The following ANO4 variants were observed in gnomAD, a reference collection of about 807,000 sequenced individuals.
ANO4 encodes the protein anoctamin-4.
A neutral mutation model predicts 141.9 loss-of-function variants in ANO4; 69 were observed. The ratio of observed to expected loss-of-function variants is 0.49; its 90% CI spans 0.40 to 0.59. The LOEUF is 0.59. ANO4 is among the 20% of genes least tolerant of loss of function. ANO4 has a pLI of 0.00. For missense variants in ANO4, 894 were observed against 1,162.2 expected (o/e 0.77, Z 3.36); for synonymous variants, 350 against 394.3 (o/e 0.89, Z 1.33).
chr12:100,775,718 A>T (rs945978247), intron 3 of ANO4, among the ~76,000 whole-genome samples: 3 of 152,228 alleles, frequency 2.0e-5, no homozygotes, highest in African/African-American at 7.2e-5. Context: ...CACAGCATTC[A>T]TGTGCTTATT....
At chr12:101,051,599 G>C (rs930698613) in intron 14 of ANO4, among the ~76,000 whole-genome samples, 1 of 152,164 alleles carries the variant, frequency 6.6e-6, no homozygotes, top group Non-Finnish European at 1.5e-5. Context: ...ATTCATTTCC[G>C]AGGGATTACT....
chr12:100,847,487 T>TTTTTTG, intron 1 of ANO4, among the ~76,000 whole-genome samples: 1 of 141,070 alleles, frequency 7.1e-6, no homozygotes, highest in Non-Finnish European at 1.6e-5. Flanking sequence ...TTTTTTTTTT[T>TTTTTTG]TTGAGGTGGA....
intron 1 of ANO4, among the ~76,000 whole-genome samples, chr12:100,812,352 T>A (rs1046388373): frequency 6.6e-6 from 1 of 152,180 alleles, no homozygotes; most frequent in African/African-American, 2.4e-5. Flanking sequence ...TTCAGCATAT[T>A]CATAACTCCA....
chr12:100,871,954 G>A (rs1181146442), intron 1 of ANO4, among the ~76,000 whole-genome samples: 2 of 152,134 alleles, frequency 1.3e-5, no homozygotes, highest in African/African-American at 2.4e-5. Flanking sequence ...GGGCTGCTTG[G>A]TGTATCATGG....
intron 1 of ANO4, among the ~76,000 whole-genome samples, chr12:100,851,433 A>G (rs552071552): frequency 1.1e-4 from 16 of 152,222 alleles, no homozygotes; most frequent in Admixed American, 3.3e-4. Context: ...TATATAAACT[A>G]TATTTCAATG....
chr12:100,745,926 G>A (rs2032081454), intron 3 of ANO4, among the ~76,000 whole-genome samples: 1 of 152,154 alleles, frequency 6.6e-6, no homozygotes, highest in Admixed American at 6.5e-5. Context: ...CACATTACCT[G>A]CAAGTGAGAA....
chr12:100,835,187 C>G (rs892459093), intron 1 of ANO4, among the ~76,000 whole-genome samples: 1 of 152,176 alleles, frequency 6.6e-6, no homozygotes, highest in Non-Finnish European at 1.5e-5. Flanking sequence ...CTGGTTAGAT[C>G]TCTGCTTGTC....
At position 101,116,672 on chromosome 12, in the gene ANO4, C is replaced by T. The variant is rs2050865903; in HGVS notation, c.2451-7C>T. ...GTTCTAATGGTAGAATGTGCCTCCT[C>T]TTATAGGTGCATGGTTGGCTATGTG... On this transcript the variant is annotated splice_region_variant and splice_polypyrimidine_tract_variant and intron_variant, in intron 24 of 27. Coordinates refer to ENST00000392977, the MANE Select transcript of ANO4 (RefSeq NM_001286615.2). 1 of 1,614,108 alleles carries T rather than the reference C, an allele frequency of 6.2e-7. No individual in the cohort carries two copies.
At chr12:100,997,370 G>A (rs1403423221) in intron 8 of ANO4, among the ~76,000 whole-genome samples, 1 of 149,054 alleles carries the variant, frequency 6.7e-6, no homozygotes, top group East Asian at 2.0e-4. Context: ...TCTCCACAGT[G>A]CTGCCACCTC....
At chr12:100,841,780 G>A (rs1447737851) in intron 1 of ANO4, among the ~76,000 whole-genome samples, 1 of 152,106 alleles carries the variant, frequency 6.6e-6, no homozygotes, top group Non-Finnish European at 1.5e-5. Flanking sequence ...ATTGATCAGG[G>A]CCTGAAGGAT....
chr12:101,015,473 T>C (rs551931530), intron 8 of ANO4, among the ~76,000 whole-genome samples: 16 of 152,308 alleles, frequency 1.1e-4, no homozygotes, highest in African/African-American at 3.1e-4. Context: ...TATTCCACTG[T>C]AGAGTTGTAC....
intron 14 of ANO4, among the ~76,000 whole-genome samples, chr12:101,056,225 TGAG>T (rs2048111503): frequency 6.6e-6 from 1 of 152,180 alleles, no homozygotes; most frequent in South Asian, 2.1e-4. Context: ...TTGGAAAGAT[TGAG>T]TGTCATTTAG....
At chr12:100,764,184 T>C (rs1224394826) in intron 3 of ANO4, among the ~76,000 whole-genome samples, 1 of 152,218 alleles carries the variant, frequency 6.6e-6, no homozygotes, top group Non-Finnish European at 1.5e-5. Flanking sequence ...TCAGCTTCTA[T>C]CATAAAAATG....
intron 1 of ANO4, among the ~76,000 whole-genome samples, chr12:100,894,882 C>T (rs1330273423): frequency 1.3e-5 from 2 of 148,440 alleles, no homozygotes; most frequent in Non-Finnish European, 1.5e-5. Flanking sequence ...AGGAGAATGG[C>T]GTGAACCCGG....
intron 1 of ANO4, among the ~76,000 whole-genome samples, chr12:100,798,063 C>T (rs745924812): frequency 7.9e-5 from 12 of 152,156 alleles, no homozygotes; most frequent in Non-Finnish European, 1.3e-4. Flanking sequence ...ATTGATTTTG[C>T]ATTTTAATTA....
At chr12:100,754,138 C>T (rs185365460) in intron 3 of ANO4, among the ~76,000 whole-genome samples, 1 of 152,202 alleles carries the variant, frequency 6.6e-6, no homozygotes, top group Non-Finnish European at 1.5e-5. Flanking sequence ...AGACATGACT[C>T]TCTCTTTTAG....
intron 1 of ANO4, among the ~76,000 whole-genome samples, chr12:100,725,343 C>CTTTT (rs5800419): frequency 2.8e-4 from 32 of 114,946 alleles, no homozygotes; most frequent in South Asian, 6.0e-4. Flanking sequence ...AAATTGGTAT[C>CTTTT]TTTTTTTTTT....
intron 17 of ANO4, among the ~76,000 whole-genome samples, chr12:101,090,258 A>G (rs1440670367): frequency 6.6e-6 from 1 of 152,244 alleles, no homozygotes; most frequent in African/African-American, 2.4e-5. Context: ...GCATATACCC[A>G]AAGGATTATA....
intron 14 of ANO4, among the ~76,000 whole-genome samples, chr12:101,075,589 A>G (rs1445181418): frequency 6.6e-6 from 1 of 151,518 alleles, no homozygotes; most frequent in African/African-American, 2.4e-5. Flanking sequence ...CATAAAAGAA[A>G]TACACTTTTT....
Sources: gnomAD v4.1 joint callset for allele counts (sites outside exome capture counted in the v4.1 genomes callset) on GRCh38, gnomAD v4.1.1 for gene constraint, MANE v1.5 for transcripts, NCBI Gene and HGNC (gene_info 2026-07-23, HGNC 2026-07-21) for gene names.